The following PPARGC1A variants were observed in gnomAD, a reference collection of about 807,000 sequenced individuals.
PPARGC1A encodes the protein peroxisome proliferator-activated receptor gamma coactivator 1-alpha.
A neutral mutation model predicts 88.7 loss-of-function variants in PPARGC1A; 25 were observed. The ratio of observed to expected loss-of-function variants is 0.28; its 90% CI spans 0.21 to 0.39. The LOEUF (loss-of-function observed/expected upper bound fraction) is 0.39. Among genes scored for constraint, PPARGC1A ranks in the 10% least tolerant of loss-of-function variants. The probability of loss-of-function intolerance (pLI) is 1.00; values close to 1 mark genes in which losing one functional copy is unlikely to be tolerated. For missense variants in PPARGC1A, 880 were observed against 968.7 expected, an observed-to-expected ratio of 0.91 and a Z score of 1.22; for synonymous variants, 363 against 355.6, an observed-to-expected ratio of 1.02 and a Z score of -0.24.
At chr4:24,327,430 T>TCTTTGCTGGCAGGA in the PPARGC1A span, among the ~76,000 whole-genome samples, 1 of 152,194 alleles carries the variant, frequency 6.6e-6, no homozygotes, top group Non-Finnish European at 1.5e-5. Context: ...AAATAAATAA[T>TCTTTGCTGGCAGGA]CTTTGCTGGC....
the PPARGC1A span, among the ~76,000 whole-genome samples, chr4:24,056,852 G>C: frequency 1.3e-5 from 2 of 152,204 alleles, no homozygotes; most frequent in Non-Finnish European, 2.9e-5. Context: ...ACTATTGGTG[G>C]AGTGTAAAAT....
At chr4:24,212,934 A>T in the PPARGC1A span, among the ~76,000 whole-genome samples, 106,435 of 151,992 alleles carry the variant, frequency 0.7, 39,939 homozygotes, top group Middle Eastern at 0.88. Flanking sequence ...GGGTCTACAC[A>T]TATCCCCTCC....
At chr4:23,832,974 C>T (rs1725318215) in intron 2 of PPARGC1A, among the ~76,000 whole-genome samples, 1 of 152,000 alleles carries the variant, frequency 6.6e-6, no homozygotes, top group African/African-American at 2.4e-5. Flanking sequence ...TTGATTCATT[C>T]CCACCAACAC....
At chr4:24,454,260 A>G in the PPARGC1A span, among the ~76,000 whole-genome samples, 1 of 151,272 alleles carries the variant, frequency 6.6e-6, no homozygotes. Flanking sequence ...CCTGACCCAT[A>G]TAATTGTGCA....
chr4:24,458,886 T>G, the PPARGC1A span, among the ~76,000 whole-genome samples: 1 of 152,234 alleles, frequency 6.6e-6, no homozygotes, highest in Non-Finnish European at 1.5e-5. Context: ...TATTTACATG[T>G]GATACCAACT....
At chr4:23,908,840 A>G (rs1720388062), upstream of PPARGC1A, among the ~76,000 whole-genome samples, 1 of 152,206 alleles carries the variant, frequency 6.6e-6, no homozygotes, top group Non-Finnish European at 1.5e-5. Flanking sequence ...ACATGGGTGC[A>G]TGTGTGGGAA....
At chr4:24,280,980 T>C in the PPARGC1A span, among the ~76,000 whole-genome samples, 1 of 152,234 alleles carries the variant, frequency 6.6e-6, no homozygotes. Context: ...GCCCAGCATG[T>C]TTCATCATGG....
At chr4:24,033,666 G>GA in the PPARGC1A span, among the ~76,000 whole-genome samples, 11 of 151,682 alleles carry the variant, frequency 7.3e-5, no homozygotes, top group South Asian at 1.5e-3. Context: ...TGTTAAAAAA[G>GA]AAAAAAAACA....
the PPARGC1A span, among the ~76,000 whole-genome samples, chr4:24,342,192 T>A: frequency 1.3e-5 from 2 of 152,214 alleles, no homozygotes; most frequent in African/African-American, 4.8e-5. Context: ...TGATAAATAC[T>A]TATTGACTGA....
chr4:23,809,658 C>T (rs1720503944), intron 10 of PPARGC1A, among the ~76,000 whole-genome samples: 1 of 152,128 alleles, frequency 6.6e-6, no homozygotes. Context: ...CATGTCCAAA[C>T]TATTATATCA....
chr4:24,210,740 G>A, the PPARGC1A span, among the ~76,000 whole-genome samples: 1 of 152,178 alleles, frequency 6.6e-6, no homozygotes, highest in Non-Finnish European at 1.5e-5. Flanking sequence ...ACAATTCCAA[G>A]TGCGTATTTT....
the PPARGC1A span, among the ~76,000 whole-genome samples, chr4:24,130,046 T>TATATCC: frequency 6.6e-6 from 1 of 152,100 alleles, no homozygotes; most frequent in Non-Finnish European, 1.5e-5. Context: ...ATACCTAATG[T>TATATCC]TAAATGAGGA....
the PPARGC1A span, among the ~76,000 whole-genome samples, chr4:24,115,302 T>G: frequency 6.6e-6 from 1 of 152,210 alleles, no homozygotes; most frequent in Non-Finnish European, 1.5e-5. Flanking sequence ...AGAAGAAATG[T>G]AATGATGTCA....
the PPARGC1A span, among the ~76,000 whole-genome samples, chr4:24,099,259 ACTT>A: frequency 9.9e-4 from 143 of 144,896 alleles, no homozygotes; most frequent in African/African-American, 3.5e-3. Flanking sequence ...GAAGCTGGAA[ACTT>A]CTTCCCCTCA....
upstream of PPARGC1A, among the ~76,000 whole-genome samples, chr4:23,900,411 C>T (rs994607189): frequency 6.6e-6 from 1 of 152,094 alleles, no homozygotes; most frequent in Non-Finnish European, 1.5e-5. Context: ...AGACAGTTAC[C>T]TAAACTATCT....
At chr4:24,256,729 ATGTGGGCTTTGC>A in the PPARGC1A span, among the ~76,000 whole-genome samples, 1 of 152,076 alleles carries the variant, frequency 6.6e-6, no homozygotes, top group Non-Finnish European at 1.5e-5. Context: ...TCACAGGGGG[ATGTGGGCTTTGC>A]TGTCTTGTTA....
At chr4:24,146,651 T>C in the PPARGC1A span, among the ~76,000 whole-genome samples, 1 of 152,146 alleles carries the variant, frequency 6.6e-6, no homozygotes, top group Admixed American at 6.5e-5. Flanking sequence ...ATGCTGCCTA[T>C]ATGAGGCCTG....
chr4:24,395,182 C>T, the PPARGC1A span, among the ~76,000 whole-genome samples: 2 of 151,734 alleles, frequency 1.3e-5, no homozygotes, highest in Admixed American at 1.3e-4. Flanking sequence ...TGTAAAAACC[C>T]TCCCAAAGGA....
At chr4:24,298,500 C>T in the PPARGC1A span, among the ~76,000 whole-genome samples, 1 of 152,116 alleles carries the variant, frequency 6.6e-6, no homozygotes, top group African/African-American at 2.4e-5. Flanking sequence ...ATATTGGGCA[C>T]CATTCTTGTC....
Sources: gnomAD v4.1 joint callset for allele counts (sites outside exome capture counted in the v4.1 genomes callset) on GRCh38, gnomAD v4.1.1 for gene constraint, MANE v1.5 for transcripts, NCBI Gene and HGNC (gene_info 2026-07-23, HGNC 2026-07-21) for gene names.